Variants in APC observed in about 807,000 individuals in gnomAD.
APC encodes APC regulator of Wnt signaling pathway.
A neutral mutation model predicts 247.0 loss-of-function variants in APC; 72 were observed. The ratio of observed to expected loss-of-function variants is 0.29; its 90% CI spans 0.24 to 0.35. The LOEUF (loss-of-function observed/expected upper bound fraction) is 0.35, where lower values mean the gene tolerates loss of function less well. APC is among the 10% of genes least tolerant of loss of function. The pLI is 1.00. For missense variants in APC, 3,400 were observed against 3,360.7 expected (o/e 1.01, Z -0.29); for synonymous variants, 1,254 against 1,162.5 (o/e 1.08, Z -1.60).
intron 8 of APC, among the ~76,000 whole-genome samples, chr5:112,813,667 C>T (rs189453555): frequency 4.6e-5 from 7 of 151,642 alleles, no homozygotes; most frequent in Admixed American, 3.9e-4. Flanking sequence ...CCTGTAGTCC[C>T]GGCTACTCTG....
At chr5:112,836,789 C>A (rs1046547045) in intron 15 of APC, among the ~76,000 whole-genome samples, 1 of 150,302 alleles carries the variant, frequency 6.7e-6, no homozygotes, top group African/African-American at 2.5e-5. Context: ...TCACTGCAAC[C>A]TCTGCCTCCC....
chr5:112,827,951 G>C lies in APC; in HGVS notation c.1571G>C (p.Gly524Ala), dbSNP rs587782868. ...CAGGCTACGCTATGCTCTATGAAAG[G>C]CTGCATGAGAGCACTTGTGGCCCAA... ...ANKATLCSMK[G>A]CMRALVAQLK... Residue 524 changes from glycine (G) to alanine (A), a missense_variant, in exon 13 of 16, where the codon GGC (glycine) becomes GCC (alanine). Gly to Ala is a moderately conservative substitution (Grantham distance 60). This residue lies in a region of APC where 184 missense variants were observed against 248.0 expected (regional missense o/e 0.74). Transcript: ENST00000257430. The C allele has an allele frequency of 6.2e-7, 1 of 1,613,252 alleles. No individual in the cohort carries two copies. The highest frequency in any genetic ancestry group is 2.2e-5 in the East Asian group (1 of 44,870).
rs1246562800 is a variant in APC, at chr5:112,843,017, A to T, written c.7423A>T (p.Thr2475Ser). ...TCCATCATCTAGACCAGCTTCTCCCACTAGGTCCCAGGCACAAACTCCAGT... is the reference window on the plus strand; with the variant it reads ...TCCATCATCTAGACCAGCTTCTCCCTCTAGGTCCCAGGCACAAACTCCAGT... ...LSPSSRPASP[T>S]RSQAQTPVLS... is the part of the protein sequence containing the mutation. Residue 2475 changes from threonine to serine, a missense_variant, in exon 16 of 16, where the codon ACT (threonine) becomes TCT (serine). By Grantham distance (58) the Thr-to-Ser change is moderately conservative. This residue lies in a region of APC where 1,788 missense variants were observed against 1,649.5 expected (regional missense o/e 1.08). Coordinates refer to ENST00000257430, the MANE Select transcript of APC (RefSeq NM_000038.6). This position sits in a 1 kb window ranked among gnomAD's most constrained non-coding sequence, Gnocchi z 4.8. 6.2e-7 allele frequency: 1 copy of T among 1,613,956 alleles called. No individual in the cohort carries two copies. Among genetic ancestry groups the T allele is most frequent in the Non-Finnish European group, 8.5e-7 (1 of 1,179,856 alleles).
chr5:112,753,283 A>C (rs536287207), intron 1 of APC, among the ~76,000 whole-genome samples: 2 of 152,204 alleles, frequency 1.3e-5, no homozygotes, highest in South Asian at 4.1e-4. Context: ...TGGCTGCATT[A>C]CTTCTTCACC....
chr5:112,765,455 T>C (rs1039111121), intron 2 of APC, among the ~76,000 whole-genome samples: 1 of 152,154 alleles, frequency 6.6e-6, no homozygotes, highest in African/African-American at 2.4e-5. Flanking sequence ...CCGTCTTTGC[T>C]CCAGTCACTC....
intron 14 of APC, among the ~76,000 whole-genome samples, chr5:112,833,682 A>G (rs1764557552): frequency 6.6e-6 from 1 of 152,144 alleles, no homozygotes; most frequent in Non-Finnish European, 1.5e-5. Flanking sequence ...TGTGGCCATT[A>G]CAATTTGACA....
chr5:112,812,194 G>C (rs1762054026), intron 8 of APC, among the ~76,000 whole-genome samples: 1 of 152,158 alleles, frequency 6.6e-6, no homozygotes, highest in African/African-American at 2.4e-5. Context: ...GACTAAAGGG[G>C]AAGGGATTAC....
At chr5:112,716,208 C>T (rs1156430047) in intron 1 of APC, among the ~76,000 whole-genome samples, 1 of 152,028 alleles carries the variant, frequency 6.6e-6, no homozygotes, top group Non-Finnish European at 1.5e-5. Flanking sequence ...TAAAGTTAAA[C>T]ATTCCCCTCT....
intron 1 of APC, among the ~76,000 whole-genome samples, chr5:112,744,067 C>G (rs1422151188): frequency 4.0e-5 from 6 of 151,888 alleles, no homozygotes; most frequent in Non-Finnish European, 8.8e-5. Flanking sequence ...GTCTCGAACT[C>G]CTGTCTACAA....
chr5:112,806,325 A>G (rs993770470), intron 8 of APC, among the ~76,000 whole-genome samples: 3 of 152,124 alleles, frequency 2.0e-5, no homozygotes, highest in Non-Finnish European at 4.4e-5. Flanking sequence ...CAGGGATTCT[A>G]TCTAGTTTTG....
intron 2 of APC, among the ~76,000 whole-genome samples, chr5:112,757,435 C>G (rs10463434): frequency 1.3e-5 from 2 of 152,028 alleles, no homozygotes; most frequent in East Asian, 3.9e-4. Context: ...TCTTTACCCC[C>G]AAAAAAGGCA....
intron 1 of APC, among the ~76,000 whole-genome samples, chr5:112,748,688 C>G (rs1453154866): frequency 6.6e-6 from 1 of 152,014 alleles, no homozygotes; most frequent in Non-Finnish European, 1.5e-5. Context: ...AGGTAAAACC[C>G]CATCTCTGTA....
intron 8 of APC, among the ~76,000 whole-genome samples, chr5:112,813,690 A>G (rs1330924681): frequency 6.6e-6 from 1 of 151,632 alleles, no homozygotes; most frequent in Non-Finnish European, 1.5e-5. Context: ...GGCTGAGGTG[A>G]GAGGATCACT....
At chr5:112,762,088 G>A (rs1581145192) in intron 2 of APC, among the ~76,000 whole-genome samples, 1 of 152,130 alleles carries the variant, frequency 6.6e-6, no homozygotes, top group South Asian at 2.1e-4. Flanking sequence ...TGTGACCCAG[G>A]GACTTGAAAA....
At chr5:112,783,404 A>G (rs1015442257) in intron 6 of APC, among the ~76,000 whole-genome samples, 1 of 152,186 alleles carries the variant, frequency 6.6e-6, no homozygotes, top group Admixed American at 6.5e-5. Flanking sequence ...AAGAAATTGT[A>G]AACAAGATAA....
At chr5:112,716,827 T>G (rs1751198339) in intron 1 of APC, among the ~76,000 whole-genome samples, 1 of 152,206 alleles carries the variant, frequency 6.6e-6, no homozygotes, top group African/African-American at 2.4e-5. Flanking sequence ...TAGTTTGAGA[T>G]GAATATAACA....
In APC at chr5:112,842,379, G is replaced by A. The variant is rs878853465; in HGVS notation, c.6785G>A (p.Ser2262Asn). The A allele has an allele frequency of 3.1e-6, 5 of 1,614,066 alleles. No homozygotes were observed. Among genetic ancestry groups the A allele is most frequent in the South Asian group, 1.1e-5 (1 of 91,082 alleles). ...AAGACTCCAGCCTCCAAAAGCCCTA[G>A]TGAAGGTCAAACAGCCACCACTTCT... ...PLKTPASKSP[S>N]EGQTATTSPR... Residue 2262 changes from serine to asparagine, a missense_variant, in exon 16 of 16, where the codon AGT (serine) becomes AAT (asparagine). Transcript: ENST00000257430.
intron 14 of APC, chr5:112,829,297 C>G: frequency 7.4e-6 from 2 of 271,688 alleles, no homozygotes; most frequent in Non-Finnish European, 1.4e-5. Flanking sequence ...GCCACCACTC[C>G]CGGCTATTTG....
At chr5:112,756,663 A>T (rs1194175418) in intron 2 of APC, among the ~76,000 whole-genome samples, 2 of 152,196 alleles carry the variant, frequency 1.3e-5, no homozygotes, top group African/African-American at 2.4e-5. Context: ...TAATTCCTTA[A>T]GCAATTCAAA....
Sources: allele counts gnomAD v4.1 joint callset (sites outside exome capture counted in the v4.1 genomes callset), GRCh38; gene constraint gnomAD v4.1.1; regional missense constraint gnomAD v4.1.1; non-coding constraint Gnocchi (gnomAD v3.1); transcripts MANE v1.5; gene names NCBI Gene and HGNC (gene_info 2026-07-23, HGNC 2026-07-21).